The following MIGA2 variants were observed in gnomAD, a reference collection of about 807,000 sequenced individuals.
MIGA2 encodes family with sequence similarity 73, member B.
Under a neutral mutation model 69.9 loss-of-function variants are expected in MIGA2, and 36 were observed. The observed-to-expected ratio is 0.52, with a 90% CI of 0.39 to 0.68. The LOEUF is 0.68. Ranked by LOEUF, MIGA2 falls within the 30% of genes least tolerant of loss-of-function variation. The pLI, the probability that MIGA2 is intolerant of heterozygous loss-of-function variation, is 0.00. For synonymous variants in MIGA2, 333 were observed against 349.2 expected, an observed-to-expected ratio of 0.95 and a Z score of 0.52; for missense variants, 660 against 787.7, an observed-to-expected ratio of 0.84 and a Z score of 1.94.
rs537404203 is a variant in MIGA2, at chr9:129,059,167, G to A, written c.689G>A (p.Arg230Gln). ...TTTTTATGGCAGCCAGAGTCACAGCGGAAGGAGTTTGCAGAGAAGCTGGAG... is the reference window on the plus strand; with the variant it reads ...TTTTTATGGCAGCCAGAGTCACAGCAGAAGGAGTTTGCAGAGAAGCTGGAG... ...SEPLSEPESQ[R>Q]KEFAEKLESL... The change falls in exon 7 of 16, where the codon CGG (arginine) becomes CAG (glutamine). Residue 230 changes from arginine (R) to glutamine (Q), a missense_variant. Arg to Gln is a conservative substitution (Grantham distance 43). Transcript: ENST00000684074. The surrounding 1 kb of genome is among the most constrained non-coding windows in gnomAD (Gnocchi z 5.6). 1.7e-5 allele frequency: 28 copies of A among 1,613,480 alleles called. No individual in the cohort carries two copies. The East Asian group carries it at 5.1e-4, about 30-fold the overall frequency.
chr9:129,063,422 T>A, intron 10 of MIGA2, 106 bp downstream of exon 10: 1 of 1,547,976 alleles, frequency 6.5e-7, no homozygotes, highest in Non-Finnish European at 8.8e-7. Flanking sequence ...CCAGGCCTGC[T>A]CCCACACTGG....
At chr9:129,052,277 C>T (rs1020215546) in intron 6 of MIGA2, among the ~76,000 whole-genome samples, 8 of 151,932 alleles carry the variant, frequency 5.3e-5, no homozygotes, top group Non-Finnish European at 1.2e-4. Flanking sequence ...TGCCTGCCAG[C>T]ACGCCCGGCT....
At chr9:129,065,410 A>G (rs1169110194) in intron 11 of MIGA2, among the ~76,000 whole-genome samples, 4 of 151,466 alleles carry the variant, frequency 2.6e-5, no homozygotes. Context: ...CAGTGGTGCG[A>G]TCTCGACCCA....
intron 3 of MIGA2, 99 bp from the exon 4 acceptor site, chr9:129,048,328 C>T (rs1693257414): frequency 9.7e-7 from 1 of 1,025,832 alleles, no homozygotes; most frequent in African/African-American, 1.6e-5. Context: ...GGACCGATTC[C>T]CAGATGAGGA....
chr9:129,038,789 CTTTTTTTT>C (rs869238538), intron 1 of MIGA2, among the ~76,000 whole-genome samples: 2 of 89,074 alleles, frequency 2.2e-5, no homozygotes. Context: ...TTTTGTTTGT[CTTTTTTTT>C]TTTTTTTTTT....
rs758081527 is a variant in MIGA2, at chr9:129,070,397, G to C, written c.1726G>C (p.Ala576Pro). 6.2e-7 allele frequency: 1 copy of C among 1,611,060 alleles called. No homozygotes were observed. The highest frequency in any genetic ancestry group is 8.5e-7 in the Non-Finnish European group (1 of 1,178,976). The change falls in exon 16 of 16, where the codon GCA becomes CCA. Residue 576 changes from alanine (A) to proline (P), a missense_variant. Ala to Pro is a conservative substitution (Grantham distance 27). Transcript: ENST00000684074. ...CCTGGGGGTGCCCGCGGCCAGCAGC[G>C]CAGGCGTGAATGGGGCGCTGCCCCG... The part of the protein sequence containing the change: ...GYLGVPAASS[A>P]GVNGALPREN...
At position 129,060,016 on chromosome 9, in the gene MIGA2, C is replaced by T. The variant is rs370992905; in HGVS notation, c.794-534C>T. Among the ~76,000 whole-genome samples, 25 of 152,298 alleles carry T rather than the reference C, an allele frequency of 1.6e-4. No individual in the cohort carries two copies. Among genetic ancestry groups the T allele is most frequent in the Middle Eastern group, 3.4e-3 (1 of 294 alleles). Reference sequence around the variant, plus strand: ...CTGGGGGACCTTTAGGGTGGCCCGCCGCAGGTCTGTGGCCTTTGCTTATTT... The same window carrying T: ...CTGGGGGACCTTTAGGGTGGCCCGCTGCAGGTCTGTGGCCTTTGCTTATTT... On this transcript the variant is annotated intron_variant, in intron 7 of 15. Transcript: ENST00000684074. This position sits in a 1 kb window ranked among gnomAD's most constrained non-coding sequence, Gnocchi z 4.8.
In MIGA2 at chr9:129,068,461, A is replaced by G. The variant is rs1316141135; in HGVS notation, c.1404+129A>G. The G allele has an allele frequency of 4.5e-6, 6 of 1,322,702 alleles. No homozygotes were observed. In the African/African-American group the frequency reaches 5.9e-5, roughly 13 times the overall value. The allele number at this position is 1,322,702 out of a possible 1,614,324, so 81.9% of individuals were successfully genotyped here. ...CCCACCCCCTAGATCCGCGGCTGCC[A>G]GGCCTGGGAGACCAGAGTCTGCCCT... is the stretch of plus-strand genomic sequence containing the variant. On this transcript the variant is annotated intron_variant, in intron 13 of 15. Transcript: ENST00000684074. The surrounding 1 kb of genome is among the most constrained non-coding windows in gnomAD (Gnocchi z 4.1).
At position 129,061,169 on chromosome 9, in the gene MIGA2, TTGCGCCG is replaced by T. The variant is rs1193146689; in HGVS notation, c.895-59_895-53del. Reference sequence around the variant, plus strand: ...GTGGCCGACCAATGGGCAGGTGCCCTTGCGCCGTGGCGTGCTGCTCACATGGGCTTCC... The same window carrying T: ...GTGGCCGACCAATGGGCAGGTGCCCTTGGCGTGCTGCTCACATGGGCTTCC... On this transcript the variant is annotated intron_variant, in intron 8 of 15. Coordinates refer to ENST00000684074, the MANE Select transcript of MIGA2 (RefSeq NM_001329990.2). The surrounding 1 kb of genome is among the most constrained non-coding windows in gnomAD (Gnocchi z 5.0). 1 of 1,438,466 alleles carries T rather than the reference TTGCGCCG, an allele frequency of 7.0e-7. No individual in the cohort carries two copies. The highest frequency in any genetic ancestry group is 1.4e-5 in the African/African-American group (1 of 71,012). 89.1% of individuals were successfully genotyped at this position (1,438,466 alleles called of 1,614,324 possible).
chr9:129,058,402 CAAAAAAAA>C (rs566828123), intron 6 of MIGA2, among the ~76,000 whole-genome samples: 1 of 58,374 alleles, frequency 1.7e-5, no homozygotes, highest in Admixed American at 1.6e-4. Flanking sequence ...GACCTTGTCT[CAAAAAAAA>C]AAAAAAAAAA....
chr9:129,066,401 G>A (rs1177403288), intron 11 of MIGA2, among the ~76,000 whole-genome samples: 5 of 152,184 alleles, frequency 3.3e-5, no homozygotes, highest in South Asian at 2.1e-4. Context: ...GAGGCTGGGC[G>A]CAGTGGCTCA....
At chr9:129,050,873 TC>T (rs1845492384) in intron 6 of MIGA2, among the ~76,000 whole-genome samples, 1 of 151,432 alleles carries the variant, frequency 6.6e-6, no homozygotes, top group Non-Finnish European at 1.5e-5. Flanking sequence ...ACCCTTTTTT[TC>T]TTTTTTTTTT....
At position 129,043,010 on chromosome 9, in the gene MIGA2, C is replaced by T. The variant is rs142699201; in HGVS notation, c.307+496C>T. Among the ~76,000 whole-genome samples, 1,217 of 152,146 alleles carry T rather than the reference C, an allele frequency of 8.0e-3. 13 individuals are homozygous for T. Among genetic ancestry groups the T allele is most frequent in the African/African-American group, 0.027 (1,140 of 41,510 alleles). On this transcript the variant is annotated intron_variant, in intron 3 of 15. Coordinates refer to ENST00000684074, the MANE Select transcript of MIGA2 (RefSeq NM_001329990.2). Reference sequence around the variant, plus strand: ...GAGATCGAGGCCATCCTGAATAACACGGTGAAACCCCGTCTCTACTAAAAA... The same window carrying T: ...GAGATCGAGGCCATCCTGAATAACATGGTGAAACCCCGTCTCTACTAAAAA...
Position 129,067,843 on chromosome 9 carries a change from C to T in MIGA2, c.1241C>T (p.Thr414Ile). The change falls in exon 12 of 16, where the codon ACA (threonine) becomes ATA (isoleucine). Residue 414 changes from threonine (T) to isoleucine (I), a missense_variant. By Grantham distance (89) the Thr-to-Ile change is moderately conservative. Coordinates refer to ENST00000684074, the MANE Select transcript of MIGA2 (RefSeq NM_001329990.2). Reference protein sequence around the residue: ...SYALRPETWATTRLELEGRGV... With the variant: ...SYALRPETWAITRLELEGRGV... The stretch of plus-strand genomic sequence containing the variant: ...GCCCTGCGGCCCGAGACCTGGGCCA[C>T]AACACGGCTGGAGCTGGAGGGCCGA... 6.2e-7 allele frequency: 1 copy of T among 1,613,040 alleles called. No individual in the cohort carries two copies. The highest frequency in any genetic ancestry group is 8.5e-7 in the Non-Finnish European group (1 of 1,179,808).
At chr9:129,045,869 T>C (rs887714009) in intron 3 of MIGA2, among the ~76,000 whole-genome samples, 2 of 152,038 alleles carry the variant, frequency 1.3e-5, no homozygotes, top group African/African-American at 4.8e-5. Flanking sequence ...TTTTGGTTTT[T>C]TTTTAGACGG....
Position 129,061,375 on chromosome 9 carries a change from G to C in MIGA2, c.1010+29G>C. 1 of 1,497,884 alleles carries C rather than the reference G, an allele frequency of 6.7e-7. No homozygotes were observed. The allele number at this position is 1,497,884 out of a possible 1,614,324, so 92.8% of individuals were successfully genotyped here. ...AGCAGGTGTGGAGGGAGGGAGGGAG[G>C]GAGCAGGAGGCGATGGGTGATTCTG... On this transcript the variant is annotated intron_variant, in intron 9 of 15. Coordinates refer to ENST00000684074, the MANE Select transcript of MIGA2 (RefSeq NM_001329990.2). The surrounding 1 kb of genome is among the most constrained non-coding windows in gnomAD (Gnocchi z 5.0).
chr9:129,040,418 G>A (rs913582479), intron 1 of MIGA2, 34 bp from the exon 2 acceptor site: 14 of 1,348,568 alleles, frequency 1.0e-5, no homozygotes, highest in Non-Finnish European at 1.2e-5. Flanking sequence ...CCGTGTGCAC[G>A]TTCTCTTATC....
Position 129,069,442 on chromosome 9 carries a change from A to G in MIGA2, c.1458+313A>G. 1.9e-6 allele frequency: 1 copy of G among 531,106 alleles called. No homozygotes were observed. Among genetic ancestry groups the G allele is most frequent in the Non-Finnish European group, 3.4e-6 (1 of 293,960 alleles). 32.9% of individuals were successfully genotyped at this position (531,106 alleles called of 1,614,324 possible). Reference sequence around the variant, plus strand: ...GGTGGGGGCAGGATACCCAGGAGCAAGCAGAGCCCTGTCCCTCCTGCCCTT... The same window carrying G: ...GGTGGGGGCAGGATACCCAGGAGCAGGCAGAGCCCTGTCCCTCCTGCCCTT... On this transcript the variant is annotated intron_variant, in intron 14 of 15. Coordinates refer to ENST00000684074, the MANE Select transcript of MIGA2 (RefSeq NM_001329990.2). This position sits in a 1 kb window ranked among gnomAD's most constrained non-coding sequence, Gnocchi z 4.9.
chr9:129,038,284 C>A (rs1844705489), intron 1 of MIGA2, among the ~76,000 whole-genome samples: 1 of 152,226 alleles, frequency 6.6e-6, no homozygotes, highest in Non-Finnish European at 1.5e-5. Flanking sequence ...CTCAGTCCTT[C>A]CCACTCACTG....
Sources: gnomAD v4.1 joint callset for allele counts (sites outside exome capture counted in the v4.1 genomes callset) on GRCh38, gnomAD v4.1.1 for gene constraint, Gnocchi (gnomAD v3.1) non-coding constraint, MANE v1.5 for transcripts, NCBI Gene and HGNC (gene_info 2026-07-23, HGNC 2026-07-21) for gene names.